Variants in BCL11B observed in about 807,000 individuals in gnomAD.
BCL11B encodes BCL11 transcription factor B, also known as B-cell lymphoma/leukemia 11B.
Under a neutral mutation model 49.9 loss-of-function variants are expected in BCL11B, and 8 were observed. That is an observed-to-expected ratio of 0.16 (90% CI 0.09 to 0.29). BCL11B has a LOEUF of 0.29. Ranked by LOEUF, BCL11B falls within the 10% of genes least tolerant of loss-of-function variation. The pLI, the probability that BCL11B is intolerant of heterozygous loss-of-function variation, is 1.00. For missense variants in BCL11B, 1,006 were observed against 1,351.0 expected (o/e 0.74, Z 4.00); for synonymous variants, 739 against 637.4 (o/e 1.16, Z -2.40).
rs1424720362 is a variant in BCL11B, at chr14:99,247,553, C to A, written c.427+9918G>T. Among the ~76,000 whole-genome samples the A allele has an allele frequency of 6.6e-6, 1 of 152,224 alleles. No homozygotes were observed. Among genetic ancestry groups the A allele is most frequent in the East Asian group, 1.9e-4 (1 of 5,190 alleles). ...GAGCCTGGAATCCCTGGTTGGCTGGCTACACTCTCCAGGAGGTGTGCTCTA... is the reference window on the plus strand; with the variant it reads ...GAGCCTGGAATCCCTGGTTGGCTGGATACACTCTCCAGGAGGTGTGCTCTA... On this transcript the variant is annotated intron_variant, in intron 2 of 3. Coordinates refer to ENST00000357195, the MANE Select transcript of BCL11B (RefSeq NM_138576.4). The surrounding 1 kb of genome is among the most constrained non-coding windows in gnomAD (Gnocchi z 4.5).
chr14:99,255,740 CA>C (rs1420712102), intron 2 of BCL11B, among the ~76,000 whole-genome samples: 1 of 152,236 alleles, frequency 6.6e-6, no homozygotes, highest in African/African-American at 2.4e-5. Flanking sequence ...TGTGGACCAA[CA>C]AAGACAAAAG....
At chr14:99,193,343 G>A (rs1204864740) in intron 3 of BCL11B, among the ~76,000 whole-genome samples, 1 of 152,136 alleles carries the variant, frequency 6.6e-6, no homozygotes, top group Non-Finnish European at 1.5e-5. Flanking sequence ...CCAGAAGAAG[G>A]AAATGTAATT....
intron 3 of BCL11B, among the ~76,000 whole-genome samples, chr14:99,227,999 G>A (rs1423768263): frequency 1.3e-5 from 2 of 152,184 alleles, no homozygotes; most frequent in African/African-American, 2.4e-5. Context: ...TGCCAGCCCA[G>A]GGTGTGCACA....
At chr14:99,201,435 G>A (rs1887380508) in intron 3 of BCL11B, among the ~76,000 whole-genome samples, 1 of 152,114 alleles carries the variant, frequency 6.6e-6, no homozygotes, top group Non-Finnish European at 1.5e-5. Flanking sequence ...TCCCACAGGG[G>A]GCTTCCTTCC....
At position 99,242,093 on chromosome 14, in the gene BCL11B, G is replaced by A. The variant is rs887601776; in HGVS notation, c.428-10536C>T. On this transcript the variant is annotated intron_variant, in intron 2 of 3. Transcript: ENST00000357195. This position sits in a 1 kb window ranked among gnomAD's most constrained non-coding sequence, Gnocchi z 4.4. ...TCAGGGAGAGGGAGCAGGGGCAGGC[G>A]GCGCTGAAGGAAGACTTTCTGAGCG... 3.9e-5 allele frequency among the ~76,000 whole-genome samples: 6 copies of A among 152,140 alleles called. No individual in the cohort carries two copies. The highest frequency in any genetic ancestry group is 1.9e-4 in the East Asian group (1 of 5,184).
chr14:99,227,566 G>A lies in BCL11B; in HGVS notation c.640+3779C>T, dbSNP rs1595264424. Among the ~76,000 whole-genome samples, 4 of 152,074 alleles carry A rather than the reference G, an allele frequency of 2.6e-5. No homozygotes were observed. In the South Asian group the frequency reaches 6.2e-4, roughly 24 times the overall value. ...CCAAACCATTCTCTGAATGTCCCAC[G>A]CCCTGCCCTGGAAACCTAGCTAGCC... On this transcript the variant is annotated intron_variant, in intron 3 of 3. Coordinates refer to ENST00000357195, the MANE Select transcript of BCL11B (RefSeq NM_138576.4).
rs534576646 is a variant in BCL11B at position 99,223,788 on chromosome 14, C to A, written c.640+7557G>T. 5.9e-5 allele frequency among the ~76,000 whole-genome samples: 9 copies of A among 152,286 alleles called. No homozygotes were observed. The South Asian group carries it at 1.9e-3, about 32-fold the overall frequency. The stretch of plus-strand genomic sequence containing the variant: ...CAGGTAAAAATCCTCACAGAAGGTA[C>A]CCCCCACCTCTCAGCAATGCGACCA... On this transcript the variant is annotated intron_variant, in intron 3 of 3. Transcript: ENST00000357195.
At chr14:99,256,883 C>A (rs567994279) in intron 2 of BCL11B, among the ~76,000 whole-genome samples, 1 of 152,258 alleles carries the variant, frequency 6.6e-6, no homozygotes, top group East Asian at 1.9e-4. Flanking sequence ...ATGTCAGAAG[C>A]AACCTCTGAG....
chr14:99,271,228 A>G lies in BCL11B; in HGVS notation c.-10T>C. 1 of 1,520,444 alleles carries G rather than the reference A, an allele frequency of 6.6e-7. No individual in the cohort carries two copies. The highest frequency in any genetic ancestry group is 8.8e-7 in the Non-Finnish European group (1 of 1,138,896). The allele number at this position is 1,520,444 out of a possible 1,614,324, so 94.2% of individuals were successfully genotyped here. On this transcript the variant is annotated 5_prime_UTR_variant, in exon 1 of 4. An upstream start codon of the reference 5' UTR is lost. Transcript: ENST00000357195. ...GTTTGCGGCGGGACATTGCCCCGGC[A>G]TCTATTCTGGCATCGCCCGGAGAGC...
At chr14:99,260,369 T>G (rs1889301368) in intron 1 of BCL11B, among the ~76,000 whole-genome samples, 1 of 152,188 alleles carries the variant, frequency 6.6e-6, no homozygotes, top group Admixed American at 6.5e-5. Context: ...TCTTCTTGGT[T>G]TTTTTAATTT....
At chr14:99,187,533 G>C (rs892501378) in intron 3 of BCL11B, among the ~76,000 whole-genome samples, 6 of 152,078 alleles carry the variant, frequency 3.9e-5, no homozygotes, top group African/African-American at 1.4e-4. Flanking sequence ...CGCCCAACAT[G>C]AGAGTTTTCT....
In BCL11B at chr14:99,192,688, C is replaced by A. The variant is rs1887067910; in HGVS notation, c.641-16493G>T. Reference sequence around the variant, plus strand: ...GGGCCAGAAAGATCTGATTCTCCTGCTTCCTAGCCTTGGCTGAACATGAAT... The same window carrying A: ...GGGCCAGAAAGATCTGATTCTCCTGATTCCTAGCCTTGGCTGAACATGAAT... On this transcript the variant is annotated intron_variant, in intron 3 of 3. Transcript: ENST00000357195. This position sits in a 1 kb window ranked among gnomAD's most constrained non-coding sequence, Gnocchi z 4.0. Among the ~76,000 whole-genome samples the A allele has an allele frequency of 6.6e-6, 1 of 152,170 alleles. No homozygotes were observed.
intron 1 of BCL11B, among the ~76,000 whole-genome samples, chr14:99,270,001 G>A (rs1314261273): frequency 1.3e-5 from 2 of 151,880 alleles, no homozygotes; most frequent in Non-Finnish European, 2.9e-5. Flanking sequence ...CGGCGGGCGG[G>A]GAGCGCCGCA....
chr14:99,236,433 T>C (rs537320278), intron 2 of BCL11B, among the ~76,000 whole-genome samples: 1 of 152,060 alleles, frequency 6.6e-6, no homozygotes, highest in African/African-American at 2.4e-5. Context: ...CAACGGGAAA[T>C]TAGGATTCTT....
intron 3 of BCL11B, among the ~76,000 whole-genome samples, chr14:99,211,798 C>T (rs1289782395): frequency 2.0e-5 from 3 of 152,160 alleles, no homozygotes; most frequent in Non-Finnish European, 2.9e-5. Flanking sequence ...ACTGGTTCCT[C>T]GGTTCTAAAC....
rs1031707767 is a variant in BCL11B at position 99,242,655 on chromosome 14, C to T, written c.428-11098G>A. On this transcript the variant is annotated intron_variant, in intron 2 of 3. Transcript: ENST00000357195. This position sits in a 1 kb window ranked among gnomAD's most constrained non-coding sequence, Gnocchi z 4.4. ...CTTGGCCCAGCCAGGGTGAACAAAC[C>T]AAATACATAAAGAAAGCTTCTGTAT... Among the ~76,000 whole-genome samples, 2 of 152,224 alleles carry T rather than the reference C, an allele frequency of 1.3e-5. No individual in the cohort carries two copies. Among genetic ancestry groups the T allele is most frequent in the Non-Finnish European group, 2.9e-5 (2 of 68,044 alleles).
At chr14:99,226,018 A>C (rs1888150752) in intron 3 of BCL11B, among the ~76,000 whole-genome samples, 1 of 152,192 alleles carries the variant, frequency 6.6e-6, no homozygotes. Context: ...CAGCAGCGTG[A>C]CCTCAAGAAG....
chr14:99,204,594 C>T (rs1887481405), intron 3 of BCL11B, among the ~76,000 whole-genome samples: 1 of 152,130 alleles, frequency 6.6e-6, no homozygotes, highest in Non-Finnish European at 1.5e-5. Context: ...CTGCCAATGC[C>T]CGGCAGCTAT....
At chr14:99,258,095 C>T (rs564154446) in intron 1 of BCL11B, among the ~76,000 whole-genome samples, 2 of 152,326 alleles carry the variant, frequency 1.3e-5, no homozygotes, top group South Asian at 4.1e-4. Flanking sequence ...GATCTTACTG[C>T]ATTCTAGTTT....
Sources: gnomAD v4.1 joint callset for allele counts (sites outside exome capture counted in the v4.1 genomes callset) on GRCh38, gnomAD v4.1.1 for gene constraint, Gnocchi (gnomAD v3.1) non-coding constraint, MANE v1.5 for transcripts, NCBI Gene and HGNC (gene_info 2026-07-23, HGNC 2026-07-21) for gene names.